The following RBMS3 variants were observed in gnomAD, a reference collection of about 807,000 sequenced individuals.
RBMS3 encodes RNA binding motif single stranded interacting protein 3, also known as RNA-binding motif, single-stranded-interacting protein 3.
A neutral mutation model predicts 66.8 loss-of-function variants in RBMS3; 27 were observed. That is an observed-to-expected ratio of 0.40 (90% CI 0.30 to 0.56). The LOEUF is 0.56. RBMS3 is among the 20% of genes least tolerant of loss of function. RBMS3 has a pLI of 0.40. For synonymous variants in RBMS3, 188 were observed against 183.0 expected (o/e 1.03, Z -0.22); for missense variants, 513 against 549.5 (o/e 0.93, Z 0.66).
chr3:29,769,502 G>A (rs973093806), intron 6 of RBMS3, among the ~76,000 whole-genome samples: 1 of 151,838 alleles, frequency 6.6e-6, no homozygotes, highest in African/African-American at 2.4e-5. Flanking sequence ...AAGGTTGGAA[G>A]GTCTTTCACT....
intron 4 of RBMS3, among the ~76,000 whole-genome samples, chr3:29,735,598 G>C (rs764293244): frequency 6.6e-6 from 1 of 152,128 alleles, no homozygotes; most frequent in Non-Finnish European, 1.5e-5. Flanking sequence ...TACTAGCTAA[G>C]GCTAGGAACT....
intron 1 of RBMS3, among the ~76,000 whole-genome samples, chr3:29,305,918 G>T (rs2033977504): frequency 6.6e-6 from 1 of 151,974 alleles, no homozygotes; most frequent in African/African-American, 2.4e-5. Context: ...CAGAGTTTGG[G>T]TCCCACTGAC....
intron 3 of RBMS3, among the ~76,000 whole-genome samples, chr3:29,541,517 C>T (rs2045756874): frequency 6.8e-6 from 1 of 147,872 alleles, no homozygotes; most frequent in African/African-American, 2.6e-5. Flanking sequence ...AGCTGAATCT[C>T]ACCTCATTTC....
chr3:29,629,943 C>T (rs1041316730), intron 4 of RBMS3, among the ~76,000 whole-genome samples: 3 of 152,014 alleles, frequency 2.0e-5, no homozygotes, highest in Non-Finnish European at 4.4e-5. Flanking sequence ...GTATTAAATT[C>T]ATAGTAGGTC....
At chr3:29,988,926 T>A (rs941071578) in intron 13 of RBMS3, among the ~76,000 whole-genome samples, 12 of 152,170 alleles carry the variant, frequency 7.9e-5, no homozygotes, top group African/African-American at 2.9e-4. Context: ...GTTCTCAAAT[T>A]TTCTGCACAT....
chr3:29,853,988 C>T (rs2059010024), intron 6 of RBMS3, among the ~76,000 whole-genome samples: 1 of 152,170 alleles, frequency 6.6e-6, no homozygotes, highest in Non-Finnish European at 1.5e-5. Flanking sequence ...TGAGTCACTC[C>T]TCCACTTCTT....
rs575752967 is a variant in RBMS3, at chr3:29,817,228, C to T, written c.638-51630C>T. On this transcript the variant is annotated intron_variant, in intron 6 of 14. Coordinates refer to ENST00000383767, the MANE Select transcript of RBMS3 (RefSeq NM_001003793.3). ...TTTGAGGCAAAGTCTCACTCTGTCA[C>T]CCAGGCTGGAGTGCAATGGCACAAT... Among the ~76,000 whole-genome samples, 51 of 141,140 alleles carry T rather than the reference C, an allele frequency of 3.6e-4. No individual in the cohort carries two copies. The South Asian group carries it at 7.4e-3, about 20-fold the overall frequency. The allele number at this position is 141,140 out of a possible 152,430, so 92.6% of individuals were successfully genotyped here. A position where few individuals can be genotyped will look rare whatever the true frequency, so the allele number is the denominator to read the frequency against.
chr3:29,997,146 G>A (rs553639695), intron 14 of RBMS3, among the ~76,000 whole-genome samples: 29 of 151,858 alleles, frequency 1.9e-4, no homozygotes, highest in East Asian at 3.9e-4. Flanking sequence ...ACACCTCTAC[G>A]CAAATAAACT....
intron 7 of RBMS3, among the ~76,000 whole-genome samples, chr3:29,879,423 A>T (rs1050402161): frequency 2.6e-5 from 4 of 152,174 alleles, no homozygotes; most frequent in African/African-American, 9.6e-5. Flanking sequence ...TATTGTTAAA[A>T]TTGGCTGCAA....
intron 2 of RBMS3, among the ~76,000 whole-genome samples, chr3:29,439,997 AAG>A (rs569190498): frequency 3.6e-3 from 543 of 152,176 alleles, no homozygotes; most frequent in Non-Finnish European, 3.7e-3. Context: ...TGGTTTAAGA[AAG>A]AGAGAGAGAG....
intron 1 of RBMS3, among the ~76,000 whole-genome samples, chr3:29,322,083 T>G (rs9824007): frequency 5.3e-5 from 8 of 152,048 alleles, no homozygotes; most frequent in Non-Finnish European, 7.4e-5. Context: ...CTATATACAG[T>G]TTTCTAAAGG....
At chr3:29,738,398 G>A (rs1288000877) in intron 4 of RBMS3, among the ~76,000 whole-genome samples, 1 of 152,064 alleles carries the variant, frequency 6.6e-6, no homozygotes, top group Non-Finnish European at 1.5e-5. Context: ...TGATATTAAT[G>A]ACTAATCTGT....
At chr3:29,408,775 A>T (rs2040138578) in intron 1 of RBMS3, among the ~76,000 whole-genome samples, 1 of 152,228 alleles carries the variant, frequency 6.6e-6, no homozygotes. Context: ...TGTACAATAC[A>T]GAGTTGAAGA....
At chr3:29,342,877 C>G (rs140918685) in intron 1 of RBMS3, among the ~76,000 whole-genome samples, 1 of 152,110 alleles carries the variant, frequency 6.6e-6, no homozygotes, top group East Asian at 1.9e-4. Context: ...ACAAAAAAGC[C>G]AAATAAATGG....
chr3:29,549,059 GTTTTTTTTT>G (rs5847579), intron 3 of RBMS3, among the ~76,000 whole-genome samples: 4 of 85,340 alleles, frequency 4.7e-5, no homozygotes, highest in South Asian at 8.4e-4. Flanking sequence ...TCCTACTTCT[GTTTTTTTTT>G]TTTTTTTTTT....
At chr3:29,542,789 C>A (rs1167635256) in intron 3 of RBMS3, among the ~76,000 whole-genome samples, 1 of 152,152 alleles carries the variant, frequency 6.6e-6, no homozygotes, top group Non-Finnish European at 1.5e-5. Flanking sequence ...TTCTTCCTTT[C>A]TTTTATTTTA....
intron 1 of RBMS3, among the ~76,000 whole-genome samples, chr3:29,356,488 C>T (rs190362411): frequency 8.7e-4 from 132 of 152,284 alleles, no homozygotes; most frequent in Admixed American, 2.4e-3. Flanking sequence ...GCCTAGTTAA[C>T]ATCCCTCCAC....
At chr3:29,349,435 A>G (rs974713214) in intron 1 of RBMS3, among the ~76,000 whole-genome samples, 5 of 152,162 alleles carry the variant, frequency 3.3e-5, no homozygotes, top group African/African-American at 7.2e-5. Flanking sequence ...TTTGTCCTCT[A>G]TGTTTCCTGT....
chr3:29,880,171 T>A lies in RBMS3; in HGVS notation c.745-3991T>A, dbSNP rs1410416691. Among the ~76,000 whole-genome samples the A allele has an allele frequency of 3.3e-5, 5 of 152,282 alleles. No homozygotes were observed. The South Asian group carries it at 1.0e-3, about 32-fold the overall frequency. On this transcript the variant is annotated intron_variant, in intron 7 of 14. Transcript: ENST00000383767. Reference sequence around the variant, plus strand: ...AATCCTGTCTGGAAGATCTAAAGTGTCCTATTTTGGCTGAAATACTAAATT... The same window carrying A: ...AATCCTGTCTGGAAGATCTAAAGTGACCTATTTTGGCTGAAATACTAAATT...
Sources: gnomAD v4.1 joint callset for allele counts (sites outside exome capture counted in the v4.1 genomes callset) on GRCh38, gnomAD v4.1.1 for gene constraint, MANE v1.5 for transcripts, NCBI Gene and HGNC (gene_info 2026-07-23, HGNC 2026-07-21) for gene names.